TMEM178B: variants seen among roughly 807,000 people sequenced by gnomAD.
TMEM178B encodes the protein transmembrane protein 178B.
Under a neutral mutation model 31.0 loss-of-function variants are expected in TMEM178B, and 5 were observed. The ratio of observed to expected loss-of-function variants is 0.16; its 90% CI spans 0.08 to 0.34. TMEM178B has a LOEUF of 0.34. Ranked by LOEUF, TMEM178B falls within the 10% of genes least tolerant of loss-of-function variation. The probability of loss-of-function intolerance (pLI) is 1.00; values close to 1 mark genes in which losing one functional copy is unlikely to be tolerated. For missense variants in TMEM178B, 275 were observed against 400.3 expected, an observed-to-expected ratio of 0.69 and a Z score of 2.67; for synonymous variants, 164 against 164.0, an observed-to-expected ratio of 1.00 and a Z score of 0.00.
At chr7:141,287,149 A>G (rs2116413079) in intron 2 of TMEM178B, among the ~76,000 whole-genome samples, 1 of 152,144 alleles carries the variant, frequency 6.6e-6, no homozygotes, top group East Asian at 1.9e-4. Context: ...TGCTTTTATA[A>G]ATTTCATAGA....
chr7:141,505,445 T>C, the TMEM178B span, among the ~76,000 whole-genome samples: 8 of 152,252 alleles, frequency 5.3e-5, no homozygotes, highest in African/African-American at 1.9e-4. Context: ...GAGTCCTCGC[T>C]ACACTGAACT....
intron 2 of TMEM178B, among the ~76,000 whole-genome samples, chr7:141,386,906 AACT>A (rs1293495834): frequency 6.6e-6 from 1 of 152,166 alleles, no homozygotes. Flanking sequence ...CACTATCAGT[AACT>A]CAGCTTCAAT....
chr7:141,147,427 A>G (rs1795871544), intron 1 of TMEM178B, among the ~76,000 whole-genome samples: 1 of 152,138 alleles, frequency 6.6e-6, no homozygotes, highest in Admixed American at 6.5e-5. Flanking sequence ...GGAATCTATG[A>G]AAGGAGGGAT....
At chr7:141,161,986 G>C (rs1040381337) in intron 1 of TMEM178B, among the ~76,000 whole-genome samples, 3 of 152,068 alleles carry the variant, frequency 2.0e-5, no homozygotes, top group Non-Finnish European at 4.4e-5. Flanking sequence ...GTGTGCACTT[G>C]CAGGCAGAAA....
intron 2 of TMEM178B, among the ~76,000 whole-genome samples, chr7:141,220,828 A>C (rs1157950294): frequency 6.6e-6 from 1 of 152,158 alleles, no homozygotes; most frequent in Non-Finnish European, 1.5e-5. Flanking sequence ...GCCTTCATCC[A>C]TTTGTTCATT....
chr7:141,145,451 T>A (rs974831048), intron 1 of TMEM178B, among the ~76,000 whole-genome samples: 3 of 152,164 alleles, frequency 2.0e-5, no homozygotes, highest in Non-Finnish European at 2.9e-5. Context: ...TCCTGGAAAC[T>A]CTATTTTAAG....
intron 1 of TMEM178B, among the ~76,000 whole-genome samples, chr7:141,118,980 G>A (rs1043380143): frequency 1.3e-5 from 2 of 152,174 alleles, no homozygotes; most frequent in African/African-American, 4.8e-5. Flanking sequence ...TTTGGCACGC[G>A]TGGCTCTCTT....
intron 3 of TMEM178B, among the ~76,000 whole-genome samples, chr7:141,454,873 G>T (rs1801934813): frequency 6.6e-6 from 1 of 152,070 alleles, no homozygotes; most frequent in Admixed American, 6.6e-5. Context: ...GAAGGGTGCG[G>T]AAGATGAGTC....
At chr7:141,170,077 G>A (rs575276509) in intron 1 of TMEM178B, among the ~76,000 whole-genome samples, 1 of 152,132 alleles carries the variant, frequency 6.6e-6, no homozygotes, top group East Asian at 1.9e-4. Flanking sequence ...CTACATTTTT[G>A]CCATGATACA....
At chr7:141,160,280 A>C (rs1335988952) in intron 1 of TMEM178B, among the ~76,000 whole-genome samples, 1 of 151,862 alleles carries the variant, frequency 6.6e-6, no homozygotes, top group African/African-American at 2.4e-5. Context: ...CAAGCTGTCT[A>C]TATCTTACCT....
At position 141,386,727 on chromosome 7, in the gene TMEM178B, C is replaced by T. The variant is rs553349743; in HGVS notation, c.497-50881C>T. Among the ~76,000 whole-genome samples the T allele has an allele frequency of 2.5e-3, 387 of 152,294 alleles. 3 individuals carry two copies. Among genetic ancestry groups the T allele is most frequent in the African/African-American group, 8.8e-3 (365 of 41,560 alleles). ...GCGACTATGCATATACCTGCGTTAT[C>T]TTCGGCCTGTCCTTTGTTTGCACGC... On this transcript the variant is annotated intron_variant, in intron 2 of 3. Transcript: ENST00000565468.
intron 1 of TMEM178B, among the ~76,000 whole-genome samples, chr7:141,113,012 C>A (rs1795259344): frequency 6.6e-6 from 1 of 152,218 alleles, no homozygotes; most frequent in Admixed American, 6.5e-5. Flanking sequence ...AATACTTTAT[C>A]AGGCTTCCAA....
chr7:141,324,401 A>G (rs1799150740), intron 2 of TMEM178B, among the ~76,000 whole-genome samples: 1 of 142,910 alleles, frequency 7.0e-6, no homozygotes, highest in Non-Finnish European at 1.5e-5. Context: ...TGTGAGAGCA[A>G]GAGAGGAGAC....
chr7:141,500,057 AAG>A, the TMEM178B span, among the ~76,000 whole-genome samples: 1 of 152,148 alleles, frequency 6.6e-6, no homozygotes, highest in South Asian at 2.1e-4. Flanking sequence ...TTACAATTTT[AAG>A]AGAGTTACTG....
chr7:141,118,267 C>A (rs1166321492), intron 1 of TMEM178B, among the ~76,000 whole-genome samples: 1 of 152,130 alleles, frequency 6.6e-6, no homozygotes, highest in East Asian at 1.9e-4. Context: ...GGAAGCCTGG[C>A]CTGTCTGCCT....
At chr7:141,218,248 G>T (rs1012163410) in intron 2 of TMEM178B, among the ~76,000 whole-genome samples, 1 of 152,110 alleles carries the variant, frequency 6.6e-6, no homozygotes, top group Non-Finnish European at 1.5e-5. Context: ...GGCAGAGAAC[G>T]TCAGTGCCAA....
At chr7:141,482,896 T>TTG (rs138451463), downstream of TMEM178B, among the ~76,000 whole-genome samples, 955 of 135,856 alleles carry the variant, frequency 7.0e-3, 7 homozygotes, top group Non-Finnish European at 0.012. Flanking sequence ...GTCCAGGGAT[T>TTG]TGTGTGTGTG....
intron 2 of TMEM178B, among the ~76,000 whole-genome samples, chr7:141,241,665 G>A (rs183821227): frequency 5.3e-5 from 8 of 151,766 alleles, no homozygotes; most frequent in African/African-American, 9.7e-5. Context: ...TTGAGGGCAC[G>A]TGGTGGCGTT....
downstream of TMEM178B, among the ~76,000 whole-genome samples, chr7:141,485,260 G>GT (rs1802537044): frequency 6.6e-6 from 1 of 152,186 alleles, no homozygotes; most frequent in Non-Finnish European, 1.5e-5. Context: ...CTTCTTTTGT[G>GT]TTCTTTGTAA....
Sources: gnomAD v4.1 joint callset for allele counts (sites outside exome capture counted in the v4.1 genomes callset) on GRCh38, gnomAD v4.1.1 for gene constraint, MANE v1.5 for transcripts, NCBI Gene and HGNC (gene_info 2026-07-23, HGNC 2026-07-21) for gene names.